Variants in TPM4 observed in about 807,000 individuals in gnomAD.
The protein encoded by TPM4 is tropomyosin 4, also known as tropomyosin alpha-4 chain.
A neutral mutation model predicts 35.8 loss-of-function variants in TPM4; 17 were observed. The ratio of observed to expected loss-of-function variants is 0.47; its 90% CI spans 0.32 to 0.71. TPM4 has a LOEUF of 0.71. Among genes scored for constraint, TPM4 ranks in the 30% least tolerant of loss-of-function variants. The probability of loss-of-function intolerance (pLI) is 0.03; values close to 1 mark genes in which losing one functional copy is unlikely to be tolerated. For missense variants in TPM4, 240 were observed against 320.9 expected (o/e 0.75, Z 1.93); for synonymous variants, 120 against 122.9 (o/e 0.98, Z 0.15).
At chr19:16,073,490 T>A (rs10418727), upstream of TPM4, among the ~76,000 whole-genome samples, 76,876 of 151,966 alleles carry the variant, frequency 0.51, 19,814 homozygotes, top group Admixed American at 0.64. Context: ...AGATGGAGAA[T>A]CTGAGGCCAG....
rs4808031 is a variant in TPM4 at position 16,067,777 on chromosome 19, A to T, written c.114+39A>T. ...CGCTGGGCCGCTCCGGGCTGCTGGG[A>T]GTCCTCTCTGTGCGGAAGGCCGGGG... is the stretch of plus-strand genomic sequence containing the variant. On this transcript the variant is annotated intron_variant, in intron 2 of 2. Coordinates refer to the TPM4 transcript ENST00000589897. The surrounding 1 kb of genome is among the most constrained non-coding windows in gnomAD (Gnocchi z 4.1). The T allele has an allele frequency of 5.7e-6, 9 of 1,588,822 alleles. No individual in the cohort carries two copies. Among genetic ancestry groups the T allele is most frequent in the South Asian group, 1.1e-5 (1 of 89,408 alleles).
At chr19:16,073,756 C>G (rs986535010), upstream of TPM4, among the ~76,000 whole-genome samples, 1 of 151,882 alleles carries the variant, frequency 6.6e-6, no homozygotes, top group East Asian at 1.9e-4. Context: ...CTCCAGCTGC[C>G]AGCCTCCACC....
chr19:16,099,200 C>T (rs955849918), intron 7 of TPM4, among the ~76,000 whole-genome samples: 2 of 152,046 alleles, frequency 1.3e-5, no homozygotes, highest in African/African-American at 4.8e-5. Flanking sequence ...CTGCCTCAGC[C>T]TCCTGTGTAG....
chr19:16,100,227 C>T (rs143713580), intron 7 of TPM4: 2 of 152,290 alleles, frequency 1.3e-5, no homozygotes, highest in African/African-American at 4.8e-5. Flanking sequence ...AGTGATACAA[C>T]TGGAGCTTAA....
chr19:16,076,400 T>G, upstream of TPM4: 1 of 1,376,462 alleles, frequency 7.3e-7, no homozygotes, highest in Non-Finnish European at 9.3e-7. Flanking sequence ...TCCGGCCGGG[T>G]GACCTCATCG....
At chr19:16,073,034 C>T (rs543110394), upstream of TPM4, among the ~76,000 whole-genome samples, 1 of 152,030 alleles carries the variant, frequency 6.6e-6, no homozygotes, top group African/African-American at 2.4e-5. Flanking sequence ...TAGTCAAAAC[C>T]CCAAACCAAA....
At chr19:16,075,750 GA>G (rs1555706802), upstream of TPM4, 3 of 305,360 alleles carry the variant, frequency 9.8e-6, no homozygotes, top group Non-Finnish European at 1.8e-5. Flanking sequence ...TGTATTTCTG[GA>G]AAACATTTGG....
chr19:16,093,491 GC>G, intron 5 of TPM4, 44 bp from the exon 6 acceptor site: 1 of 1,610,234 alleles, frequency 6.2e-7, no homozygotes, highest in East Asian at 2.2e-5. Flanking sequence ...ACCATGCCTG[GC>G]TGGGCCTCCT....
At position 16,067,744 on chromosome 19, in the gene TPM4, G is replaced by T. The variant is rs200326886; in HGVS notation, c.114+6G>T. On this transcript the variant is annotated splice_donor_region_variant and intron_variant, in intron 2 of 2. Transcript: ENST00000589897. This position sits in a 1 kb window ranked among gnomAD's most constrained non-coding sequence, Gnocchi z 4.1. The stretch of plus-strand genomic sequence containing the variant: ...CTGAGGACAAGTGCAAGCAGGTGAG[G>T]TGCCCTCCGCTGGGCCGCTCCGGGC... 430 of 1,610,954 alleles carry T rather than the reference G, an allele frequency of 2.7e-4. No individual in the cohort carries two copies. Among genetic ancestry groups the T allele is most frequent in the Non-Finnish European group, 3.5e-4 (410 of 1,179,246 alleles).
At chr19:16,076,392 C>T (rs1221213719), upstream of TPM4, 2 of 1,384,176 alleles carry the variant, frequency 1.4e-6, no homozygotes, top group East Asian at 5.9e-5. Flanking sequence ...GTCGGCGGTC[C>T]GGCCGGGTGA....
At chr19:16,072,245 C>A (rs942990800), upstream of TPM4, among the ~76,000 whole-genome samples, 2 of 152,178 alleles carry the variant, frequency 1.3e-5, no homozygotes, top group African/African-American at 4.8e-5. Flanking sequence ...CCAGAACTGA[C>A]CCTCAAGAAA....
intron 1 of TPM4, chr19:16,079,666 G>A (rs10416324): frequency 0.023 from 4,755 of 207,746 alleles, 182 homozygotes; most frequent in African/African-American, 0.09. Context: ...TTTTCCCCCA[G>A]TATGAACTCA....
chr19:16,097,321 C>A (rs1309653675), intron 7 of TPM4, among the ~76,000 whole-genome samples: 1 of 151,438 alleles, frequency 6.6e-6, no homozygotes, highest in African/African-American at 2.4e-5. Context: ...GTTGCCCACG[C>A]TGGAGTGCAG....
Position 16,067,638 on chromosome 19 carries a change from A to C in TPM4, c.14A>C (p.Lys5Thr), listed in dbSNP as rs753304129. Residue 5 changes from lysine to threonine, a missense_variant, in exon 2 of 3, where the codon AAG becomes ACG. Lys to Thr is a moderately conservative substitution (Grantham distance 78). Coordinates refer to the TPM4 transcript ENST00000589897. This position sits in a 1 kb window ranked among gnomAD's most constrained non-coding sequence, Gnocchi z 4.1. The stretch of plus-strand genomic sequence containing the variant: ...CAGCGCCCAGCCATGGAGGCCATCA[A>C]GAAGAAAATGCAGATGCTGAAGTTG... The C allele has an allele frequency of 1.2e-6, 2 of 1,613,562 alleles. No homozygotes were observed. Among genetic ancestry groups the C allele is most frequent in the Non-Finnish European group, 1.7e-6 (2 of 1,179,800 alleles).
chr19:16,081,864 G>T (rs1183929631), intron 1 of TPM4, 49 bp from the exon 2 acceptor site: 2 of 1,521,470 alleles, frequency 1.3e-6, no homozygotes, highest in East Asian at 2.3e-5. Flanking sequence ...GCTCCCACTG[G>T]TGGCTGGCCT....
upstream of TPM4, chr19:16,075,906 C>A: frequency 8.0e-7 from 1 of 1,246,248 alleles, no homozygotes; most frequent in Non-Finnish European, 1.1e-6. Context: ...CATGCTATCG[C>A]AACCCCTGTT....
At chr19:16,081,171 G>T in intron 1 of TPM4, 1 of 397,558 alleles carries the variant, frequency 2.5e-6, no homozygotes, top group East Asian at 3.6e-5. Flanking sequence ...GACACAATGA[G>T]CCGGGTCACT....
intron 5 of TPM4, among the ~76,000 whole-genome samples, chr19:16,092,660 TGA>T (rs2090642770): frequency 6.6e-6 from 1 of 151,934 alleles, no homozygotes; most frequent in African/African-American, 2.4e-5. Context: ...CTTAGCCTCC[TGA>T]GTAGCTGAGA....
At chr19:16,093,819 G>T in intron 7 of TPM4, 66 bp downstream of exon 7, 2 of 1,577,188 alleles carry the variant, frequency 1.3e-6, no homozygotes, top group Non-Finnish European at 8.7e-7. Flanking sequence ...TCCACGGACA[G>T]TTGGGGAATG....
Sources: allele counts gnomAD v4.1 joint callset (sites outside exome capture counted in the v4.1 genomes callset), GRCh38; gene constraint gnomAD v4.1.1; non-coding constraint Gnocchi (gnomAD v3.1); transcripts MANE v1.5; gene names NCBI Gene and HGNC (gene_info 2026-07-23, HGNC 2026-07-21).